The following LOXL2 variants were observed in gnomAD, a reference collection of about 807,000 sequenced individuals.
LOXL2 encodes lysyl oxidase homolog 2.
A neutral mutation model predicts 93.0 loss-of-function variants in LOXL2; 70 were observed. That is an observed-to-expected ratio of 0.75 (90% CI 0.62 to 0.92). The LOEUF (loss-of-function observed/expected upper bound fraction) is 0.92. Ranked by LOEUF, LOXL2 falls within the 40% of genes least tolerant of loss-of-function variation. The probability of loss-of-function intolerance (pLI) is 0.00; values close to 1 mark genes in which losing one functional copy is unlikely to be tolerated. For missense variants in LOXL2, 973 were observed against 1,054.9 expected, an observed-to-expected ratio of 0.92 and a Z score of 1.08; for synonymous variants, 438 against 413.2, an observed-to-expected ratio of 1.06 and a Z score of -0.73.
chr8:23,358,420 C>T (rs2117202772), intron 3 of LOXL2, among the ~76,000 whole-genome samples: 1 of 152,332 alleles, frequency 6.6e-6, no homozygotes, highest in Middle Eastern at 3.4e-3. Flanking sequence ...CTTGGGAGAA[C>T]TTCCTCTGGA....
chr8:23,324,598 G>C (rs927350511), intron 6 of LOXL2, among the ~76,000 whole-genome samples: 1 of 152,132 alleles, frequency 6.6e-6, no homozygotes, highest in Non-Finnish European at 1.5e-5. Context: ...CTGTGTTCTG[G>C]AGCACCCCTG....
chr8:23,392,230 G>T (rs1055364835), intron 1 of LOXL2, among the ~76,000 whole-genome samples: 2 of 152,152 alleles, frequency 1.3e-5, no homozygotes, highest in African/African-American at 4.8e-5. Context: ...GCTCCATAAG[G>T]CAGTCAGGTA....
chr8:23,368,403 G>C lies in LOXL2; in HGVS notation c.-52C>G. On this transcript the variant is annotated 5_prime_UTR_variant, in exon 2 of 14. Coordinates refer to ENST00000389131, the MANE Select transcript of LOXL2 (RefSeq NM_002318.3). ...GAAGGGGCCCTGCGCAGCTGGGAGG[G>C]ACAGGCGGGGTACAGAAGCAGCAGG... 1 of 1,493,726 alleles carries C rather than the reference G, an allele frequency of 6.7e-7. No individual in the cohort carries two copies. Among genetic ancestry groups the C allele is most frequent in the Non-Finnish European group, 9.2e-7 (1 of 1,081,726 alleles). 92.5% of individuals were successfully genotyped at this position (1,493,726 alleles called of 1,614,324 possible). A position where few individuals can be genotyped will look rare whatever the true frequency, so the allele number is the denominator to read the frequency against.
At position 23,341,144 on chromosome 8, in the gene LOXL2, C is replaced by G. The variant is rs375716439; in HGVS notation, c.591G>C (p.Lys197Asn). Residue 197 changes from lysine to asparagine, a missense_variant, in exon 4 of 14, where the codon AAG becomes AAC. Coordinates refer to ENST00000389131, the MANE Select transcript of LOXL2 (RefSeq NM_002318.3). ...CGTAGCCCTCCATCACTGGGGTGCG[C>G]TTGCGGTAGGTTGAGAGGATGGCTC... Reference protein sequence around the residue: ...RIRAILSTYRKRTPVMEGYVE... With the variant: ...RIRAILSTYRNRTPVMEGYVE... 1.9e-6 allele frequency: 3 copies of G among 1,613,804 alleles called. No individual in the cohort carries two copies. In the African/African-American group the frequency reaches 4.0e-5, roughly 22 times the overall value.
At chr8:23,383,882 G>T (rs979608320) in intron 1 of LOXL2, among the ~76,000 whole-genome samples, 1 of 151,868 alleles carries the variant, frequency 6.6e-6, no homozygotes, top group South Asian at 2.1e-4. Flanking sequence ...GGATGGTCTC[G>T]ATCTGCTGAC....
chr8:23,395,738 C>T (rs112420270), intron 1 of LOXL2, among the ~76,000 whole-genome samples: 6 of 152,158 alleles, frequency 3.9e-5, no homozygotes, highest in East Asian at 1.9e-4. Flanking sequence ...CTTACTCTGT[C>T]GCCCAGGCTG....
chr8:23,309,622 A>T, intron 10 of LOXL2, 46 bp downstream of exon 10: 1 of 1,371,974 alleles, frequency 7.3e-7, no homozygotes. Flanking sequence ...GGCCTGCAGG[A>T]TGTCCGCCGG....
chr8:23,389,169 G>A (rs1415610112), intron 1 of LOXL2, among the ~76,000 whole-genome samples: 1 of 152,144 alleles, frequency 6.6e-6, no homozygotes, highest in African/African-American at 2.4e-5. Context: ...CAGAGGAAAA[G>A]AAGAAAATGT....
At chr8:23,331,029 C>G (rs924275823) in intron 5 of LOXL2, among the ~76,000 whole-genome samples, 1 of 152,170 alleles carries the variant, frequency 6.6e-6, no homozygotes, top group African/African-American at 2.4e-5. Flanking sequence ...CATTTCACTC[C>G]TCTCACTGAA....
chr8:23,351,820 G>A (rs76066366), intron 3 of LOXL2, among the ~76,000 whole-genome samples: 7,193 of 152,176 alleles, frequency 0.047, 226 homozygotes, highest in Middle Eastern at 0.061. Flanking sequence ...ATAGAATCGC[G>A]GAATGTGAGG....
At chr8:23,341,280 T>C (rs940494976) in intron 3 of LOXL2, 77 bp from the exon 4 acceptor site, 21 of 1,219,966 alleles carry the variant, frequency 1.7e-5, no homozygotes, top group Non-Finnish European at 2.3e-5. Context: ...CCAGTACTTC[T>C]TTAGCGACTA....
chr8:23,367,594 G>A (rs1804425195), intron 2 of LOXL2, among the ~76,000 whole-genome samples: 1 of 150,710 alleles, frequency 6.6e-6, no homozygotes, highest in African/African-American at 2.5e-5. Flanking sequence ...GGAACGATTT[G>A]GAGTAAAGCG....
At chr8:23,354,930 G>A (rs540203496) in intron 3 of LOXL2, among the ~76,000 whole-genome samples, 1 of 81,810 alleles carries the variant, frequency 1.2e-5, no homozygotes, top group African/African-American at 6.2e-5. Flanking sequence ...TCTGGGAGTT[G>A]GAATATATAT....
In LOXL2 at chr8:23,339,505, G is replaced by A. The variant is rs755938687; in HGVS notation, c.743+1487C>T. 6.6e-5 allele frequency among the ~76,000 whole-genome samples: 10 copies of A among 152,346 alleles called. No individual in the cohort carries two copies. In the South Asian group the frequency reaches 1.4e-3, roughly 22 times the overall value. ...GCCTGAGATCAACTCCTCAAAAGCC[G>A]AGAAGGACTCTGGACTGGCCACGGT... On this transcript the variant is annotated intron_variant, in intron 4 of 13. Coordinates refer to ENST00000389131, the MANE Select transcript of LOXL2 (RefSeq NM_002318.3).
chr8:23,356,454 G>A (rs934860504), intron 3 of LOXL2, among the ~76,000 whole-genome samples: 25 of 152,172 alleles, frequency 1.6e-4, no homozygotes, highest in Non-Finnish European at 2.6e-4. Flanking sequence ...TCCCACGTAG[G>A]TGGTCCAGGC....
intron 9 of LOXL2, among the ~76,000 whole-genome samples, chr8:23,314,838 AAT>A (rs1554476427): frequency 3.0e-5 from 4 of 132,552 alleles, no homozygotes; most frequent in Non-Finnish European, 6.2e-5. Flanking sequence ...AAAAGAAAAA[AAT>A]AAAAATAAAA....
intron 6 of LOXL2, among the ~76,000 whole-genome samples, chr8:23,325,831 A>G (rs941980634): frequency 2.6e-5 from 4 of 152,212 alleles, no homozygotes; most frequent in African/African-American, 9.6e-5. Context: ...CGATGCGGGC[A>G]GGGGTCCTAA....
chr8:23,403,706 C>T (rs1800181274), intron 1 of LOXL2, among the ~76,000 whole-genome samples: 2 of 152,030 alleles, frequency 1.3e-5, no homozygotes, highest in African/African-American at 4.8e-5. Context: ...CGCCTCGCTC[C>T]CCGGGCGCGC....
At chr8:23,302,236 A>G in intron 11 of LOXL2, 73 bp from the exon 12 acceptor site, 1 of 1,586,100 alleles carries the variant, frequency 6.3e-7, no homozygotes, top group Non-Finnish European at 8.6e-7. Context: ...TCCTGCTTCC[A>G]AGGCCCCTAC....
Sources: allele counts gnomAD v4.1 joint callset (sites outside exome capture counted in the v4.1 genomes callset), GRCh38; gene constraint gnomAD v4.1.1; transcripts MANE v1.5; gene names NCBI Gene and HGNC (gene_info 2026-07-23, HGNC 2026-07-21).